Variants in IDO2 observed in about 807,000 individuals in gnomAD.
IDO2 encodes indoleamine 2,3-dioxygenase 2.
In IDO2, 46 loss-of-function variants were observed where a neutral mutation model predicts 45.1. The observed-to-expected ratio is 1.02, with a 90% CI of 0.80 to 1.30. IDO2 has a LOEUF of 1.30. Ranked by LOEUF, IDO2 falls within the 50% of genes most tolerant of loss-of-function variation. IDO2 has a pLI of 0.00. For missense variants in IDO2, 544 were observed against 491.8 expected (o/e 1.11, Z -1.00); for synonymous variants, 218 against 184.9 (o/e 1.18, Z -1.45).
intron 5 of IDO2, among the ~76,000 whole-genome samples, chr8:39,984,218 T>C (rs1808392204): frequency 6.6e-6 from 1 of 152,230 alleles, no homozygotes; most frequent in African/African-American, 2.4e-5. Flanking sequence ...CTCATGCCTA[T>C]AATCCCAGCA....
At chr8:39,956,059 CTTTT>C (rs34663844) in intron 2 of IDO2, among the ~76,000 whole-genome samples, 4 of 131,428 alleles carry the variant, frequency 3.0e-5, no homozygotes, top group African/African-American at 2.8e-5. Context: ...CATTAGATGA[CTTTT>C]TTTTTTTTTT....
chr8:39,978,397 T>C (rs1174716792), intron 3 of IDO2, among the ~76,000 whole-genome samples: 1 of 152,206 alleles, frequency 6.6e-6, no homozygotes, highest in East Asian at 1.9e-4. Context: ...CAGAGGCCGC[T>C]GCTGTCAGGC....
At chr8:39,997,880 G>T (rs1585417009) in intron 8 of IDO2, 1 of 194,308 alleles carries the variant, frequency 5.1e-6, no homozygotes, top group East Asian at 1.3e-4. Context: ...AACAGAATTT[G>T]TTGAACACCA....
intron 9 of IDO2, among the ~76,000 whole-genome samples, chr8:40,010,932 GAC>G (rs1247478960): frequency 2.0e-5 from 3 of 152,116 alleles, no homozygotes; most frequent in Admixed American, 6.5e-5. Context: ...CTTTTTGTGA[GAC>G]ACAGTCTTGC....
intron 3 of IDO2, among the ~76,000 whole-genome samples, 164 bp downstream of exon 3, chr8:39,963,867 C>T (rs2543052): frequency 0.19 from 28,839 of 152,134 alleles, 2,746 homozygotes; most frequent in East Asian, 0.27. Flanking sequence ...ATGACCCCTT[C>T]GTAATCTGAT....
chr8:39,989,842 A>G lies in IDO2; in HGVS notation c.667+4A>G. On this transcript the variant is annotated splice_donor_region_variant and intron_variant, in intron 8 of 10. Coordinates refer to ENST00000502986, the Ensembl canonical transcript of IDO2. Reference sequence around the variant, plus strand: ...AAAACCTTAGGACAGATGCATGGTAAGATGCTTCCGAAGCTCCTGAAGGAT... The same window carrying G: ...AAAACCTTAGGACAGATGCATGGTAGGATGCTTCCGAAGCTCCTGAAGGAT... 2 of 1,570,258 alleles carry G rather than the reference A, an allele frequency of 1.3e-6. No homozygotes were observed. Among genetic ancestry groups the G allele is most frequent in the South Asian group, 2.3e-5 (2 of 85,730 alleles).
chr8:39,939,320 G>A (rs1260810503), intron 1 of IDO2, among the ~76,000 whole-genome samples: 2 of 151,322 alleles, frequency 1.3e-5, no homozygotes, highest in Non-Finnish European at 2.9e-5. Flanking sequence ...ACTGAGGTAG[G>A]CGGATCACTT....
chr8:39,962,627 G>C (rs1006929363), intron 2 of IDO2, among the ~76,000 whole-genome samples: 25 of 152,142 alleles, frequency 1.6e-4, no homozygotes, highest in Non-Finnish European at 7.3e-5. Flanking sequence ...AATTTATTAA[G>C]CAAAAGGGGA....
intron 1 of IDO2, among the ~76,000 whole-genome samples, chr8:39,945,177 C>T (rs917805023): frequency 1.3e-5 from 2 of 152,236 alleles, no homozygotes; most frequent in Non-Finnish European, 1.5e-5. Flanking sequence ...GAAGCATTGC[C>T]TCTGGCTGGA....
intron 6 of IDO2, 77 bp downstream of exon 6, chr8:39,985,599 G>C: frequency 8.1e-7 from 1 of 1,233,380 alleles, no homozygotes. Context: ...AAAGAACAAA[G>C]CATGCTAAAT....
chr8:39,935,424 GGTT>G (rs72187471), intron 1 of IDO2, among the ~76,000 whole-genome samples: 47,698 of 149,782 alleles, frequency 0.32, 7,936 homozygotes, highest in East Asian at 0.48. Flanking sequence ...TTACTTTTCT[GGTT>G]GTTGTTGTTG....
intron 3 of IDO2, among the ~76,000 whole-genome samples, chr8:39,968,029 G>GA (rs761594504): frequency 7.9e-5 from 9 of 113,358 alleles, no homozygotes; most frequent in African/African-American, 2.5e-4. Context: ...TATGTTCCCA[G>GA]AAAAAAAATC....
chr8:40,011,118 C>T (rs1270689202), intron 9 of IDO2, among the ~76,000 whole-genome samples: 1 of 152,146 alleles, frequency 6.6e-6, no homozygotes, highest in African/African-American at 2.4e-5. Flanking sequence ...ACCATGTTGA[C>T]CAGGCTGGTG....
chr8:39,954,102 A>G (rs1363368863), intron 2 of IDO2, among the ~76,000 whole-genome samples: 5 of 152,104 alleles, frequency 3.3e-5, no homozygotes, highest in Non-Finnish European at 7.4e-5. Context: ...ACTGGTTTCT[A>G]TGCCTAAGGG....
exon 11 of IDO2, chr8:40,015,428 G>T: frequency 6.2e-7 from 1 of 1,613,882 alleles, no homozygotes; most frequent in Non-Finnish European, 8.5e-7. Context: ...ACATCACCAT[G>T]GTCACCAAAT....
intron 1 of IDO2, among the ~76,000 whole-genome samples, chr8:39,937,204 G>A (rs1316176682): frequency 6.6e-6 from 1 of 152,156 alleles, no homozygotes; most frequent in Non-Finnish European, 1.5e-5. Flanking sequence ...GGAGCTCTGT[G>A]GATACAGTTG....
intron 1 of IDO2, among the ~76,000 whole-genome samples, chr8:39,943,677 G>C (rs1177508224): frequency 6.7e-6 from 1 of 148,208 alleles, no homozygotes; most frequent in Admixed American, 6.9e-5. Flanking sequence ...GGCGGAGCCT[G>C]CAGTGAGCTG....
chr8:39,964,521 T>C (rs2129593874), intron 3 of IDO2, among the ~76,000 whole-genome samples: 1 of 152,356 alleles, frequency 6.6e-6, no homozygotes, highest in Non-Finnish European at 1.5e-5. Context: ...CGGAAGTCCA[T>C]GAAAAGTTTT....
At chr8:40,005,339 C>A (rs751611170) in exon 9 of IDO2, 1 of 1,578,636 alleles carries the variant, frequency 6.3e-7, no homozygotes, top group South Asian at 1.2e-5. Flanking sequence ...TATGTAGATC[C>A]AGACATATTT....
Sources: gnomAD v4.1 joint callset for allele counts (sites outside exome capture counted in the v4.1 genomes callset) on GRCh38, gnomAD v4.1.1 for gene constraint, MANE v1.5 for transcripts, NCBI Gene and HGNC (gene_info 2026-07-23, HGNC 2026-07-21) for gene names.